The following RBFOX1 variants were observed in gnomAD, a reference collection of about 807,000 sequenced individuals.
RBFOX1 encodes RNA binding protein fox-1 homolog 1.
Under a neutral mutation model 57.7 loss-of-function variants are expected in RBFOX1, and 8 were observed. That is an observed-to-expected ratio of 0.14 (90% CI 0.08 to 0.25). RBFOX1 has a LOEUF of 0.25. RBFOX1 is among the 10% of genes least tolerant of loss of function. The pLI is 1.00. For missense variants in RBFOX1, 611 were observed against 548.5 expected (o/e 1.11, Z -1.14); for synonymous variants, 326 against 222.4 (o/e 1.47, Z -4.15).
chr16:5,964,314 A>T (rs1241570370), intron 4 of RBFOX1, among the ~76,000 whole-genome samples: 1 of 152,212 alleles, frequency 6.6e-6, no homozygotes, highest in Non-Finnish European at 1.5e-5. Flanking sequence ...AAATTGGTAC[A>T]GCCATTATGG....
chr16:5,922,801 C>G (rs2058852957), intron 4 of RBFOX1, among the ~76,000 whole-genome samples: 1 of 152,224 alleles, frequency 6.6e-6, no homozygotes, highest in South Asian at 2.1e-4. Context: ...GGCTAACGCT[C>G]TCCATTCTGC....
At chr16:6,937,297 C>T (rs1042660853) in intron 3 of RBFOX1, among the ~76,000 whole-genome samples, 1 of 152,090 alleles carries the variant, frequency 6.6e-6, no homozygotes, top group African/African-American at 2.4e-5. Flanking sequence ...TCCTTTTTAC[C>T]TTCATTCCCA....
At chr16:5,619,182 T>C (rs184267441) in intron 3 of RBFOX1, among the ~76,000 whole-genome samples, 5 of 152,280 alleles carry the variant, frequency 3.3e-5, no homozygotes, top group Admixed American at 2.6e-4. Flanking sequence ...TAAGGCTATG[T>C]TCGTTCTTAA....
rs185918858 is a variant in RBFOX1, at chr16:7,236,788, C to T, written c.27+184690C>T. Among the ~76,000 whole-genome samples, 4 of 152,254 alleles carry T rather than the reference C, an allele frequency of 2.6e-5. No homozygotes were observed. The East Asian group carries it at 5.8e-4, about 22-fold the overall frequency. Reference sequence around the variant, plus strand: ...ATTAAAAATGCAGTCAGTGATAAGGCAGACAGTCCTTGTGCCTGGGTTTGT... The same window carrying T: ...ATTAAAAATGCAGTCAGTGATAAGGTAGACAGTCCTTGTGCCTGGGTTTGT... On this transcript the variant is annotated intron_variant, in intron 4 of 15. Transcript: ENST00000550418.
At chr16:5,849,262 A>C (rs1008456260) in intron 3 of RBFOX1, among the ~76,000 whole-genome samples, 2 of 152,118 alleles carry the variant, frequency 1.3e-5, no homozygotes, top group Non-Finnish European at 2.9e-5. Flanking sequence ...AGGACGATGG[A>C]GTGCCCTGAT....
At chr16:6,190,615 T>A (rs181746424) in intron 1 of RBFOX1, among the ~76,000 whole-genome samples, 1 of 152,294 alleles carries the variant, frequency 6.6e-6, no homozygotes. Context: ...TCGTCGATGG[T>A]ACTATTATTA....
intron 4 of RBFOX1, among the ~76,000 whole-genome samples, chr16:7,372,276 A>C (rs2097580950): frequency 2.0e-5 from 3 of 152,176 alleles, no homozygotes; most frequent in Admixed American, 2.0e-4. Flanking sequence ...CATACTTCAG[A>C]TCCCATGAGA....
intron 4 of RBFOX1, among the ~76,000 whole-genome samples, chr16:5,972,755 A>T (rs2059987968): frequency 6.6e-6 from 1 of 151,972 alleles, no homozygotes; most frequent in Admixed American, 6.6e-5. Flanking sequence ...CGTGTTTCTC[A>T]CCCTCTCCAC....
At chr16:7,533,783 C>T (rs745952621) in intron 5 of RBFOX1, among the ~76,000 whole-genome samples, 1 of 152,186 alleles carries the variant, frequency 6.6e-6, no homozygotes, top group Admixed American at 6.5e-5. Flanking sequence ...TAGGAATCAT[C>T]TGTACTGACC....
intron 4 of RBFOX1, among the ~76,000 whole-genome samples, chr16:5,957,122 C>G (rs1255893293): frequency 6.6e-6 from 1 of 152,124 alleles, no homozygotes; most frequent in African/African-American, 2.4e-5. Flanking sequence ...AAATGTTTAC[C>G]AGCACACTGT....
chr16:6,416,664 A>G (rs139311073), intron 2 of RBFOX1, among the ~76,000 whole-genome samples: 1 of 152,256 alleles, frequency 6.6e-6, no homozygotes, highest in East Asian at 1.9e-4. Context: ...AAGAAAGTCT[A>G]AGGGAGAATA....
intron 3 of RBFOX1, among the ~76,000 whole-genome samples, chr16:5,666,443 C>G (rs757923757): frequency 1.3e-5 from 2 of 152,164 alleles, no homozygotes; most frequent in East Asian, 3.9e-4. Context: ...ATTGAATTCA[C>G]TTTGTTCCCT....
At chr16:6,300,859 T>A (rs2078735006) in intron 1 of RBFOX1, among the ~76,000 whole-genome samples, 1 of 152,182 alleles carries the variant, frequency 6.6e-6, no homozygotes, top group African/African-American at 2.4e-5. Flanking sequence ...TGCTGTGCCT[T>A]CTATTAGCTA....
At chr16:7,253,046 C>T (rs1461007775) in intron 4 of RBFOX1, among the ~76,000 whole-genome samples, 2 of 152,160 alleles carry the variant, frequency 1.3e-5, no homozygotes, top group Non-Finnish European at 2.9e-5. Context: ...TGCATCTTTT[C>T]CATCTTTTTC....
chr16:6,673,172 C>T (rs1317013275), intron 3 of RBFOX1, among the ~76,000 whole-genome samples: 3 of 152,186 alleles, frequency 2.0e-5, no homozygotes, highest in Non-Finnish European at 4.4e-5. Context: ...CCAGGCTCAT[C>T]ATTTTATGGT....
At chr16:6,264,189 T>C (rs2097718881) in intron 1 of RBFOX1, among the ~76,000 whole-genome samples, 1 of 152,206 alleles carries the variant, frequency 6.6e-6, no homozygotes, top group Admixed American at 6.5e-5. Context: ...CAGTGTTCTC[T>C]TGGATAATCC....
At chr16:6,483,067 G>C in intron 2 of RBFOX1, 1 of 916,214 alleles carries the variant, frequency 1.1e-6, no homozygotes, top group Non-Finnish European at 1.3e-6. Context: ...CCAGCTCGGA[G>C]CTTTGCAAGT....
At chr16:6,126,073 C>A (rs769225585) in intron 1 of RBFOX1, among the ~76,000 whole-genome samples, 2 of 152,158 alleles carry the variant, frequency 1.3e-5, no homozygotes, top group African/African-American at 2.4e-5. Context: ...TTCTGTGATT[C>A]ATTGAACAGT....
intron 2 of RBFOX1, among the ~76,000 whole-genome samples, chr16:6,633,010 G>A (rs2154061437): frequency 6.6e-6 from 1 of 152,224 alleles, no homozygotes; most frequent in African/African-American, 2.4e-5. Context: ...AGAGGGATGG[G>A]GAGACATTGA....
Sources: gnomAD v4.1 joint callset for allele counts (sites outside exome capture counted in the v4.1 genomes callset) on GRCh38, gnomAD v4.1.1 for gene constraint, MANE v1.5 for transcripts, NCBI Gene and HGNC (gene_info 2026-07-23, HGNC 2026-07-21) for gene names.